ACTR3B: variants seen among roughly 807,000 people sequenced by gnomAD.
The protein encoded by ACTR3B is actin-related protein 3B.
A neutral mutation model predicts 59.0 loss-of-function variants in ACTR3B; 8 were observed. The observed-to-expected ratio is 0.14, with a 90% confidence interval of 0.08 to 0.24. The LOEUF (loss-of-function observed/expected upper bound fraction) is 0.24, where lower values mean the gene tolerates loss of function less well. ACTR3B is among the 10% of genes least tolerant of loss of function. The pLI is 1.00. For synonymous variants in ACTR3B, 148 were observed against 197.9 expected (o/e 0.75, Z 2.12); for missense variants, 245 against 552.3 (o/e 0.44, Z 5.58).
intron 4 of ACTR3B, among the ~76,000 whole-genome samples, chr7:152,810,251 C>T (rs1401723796): frequency 2.0e-5 from 3 of 151,892 alleles, no homozygotes; most frequent in Admixed American, 1.3e-4. Context: ...GGATTACAGG[C>T]GTGCACCACC....
chr7:152,799,023 G>A (rs1205843131), intron 2 of ACTR3B, among the ~76,000 whole-genome samples: 4 of 152,170 alleles, frequency 2.6e-5, no homozygotes, highest in Non-Finnish European at 5.9e-5. Flanking sequence ...TTCTGTTTCT[G>A]TGAAGGATGC....
chr7:152,822,812 G>C (rs1234782060), intron 7 of ACTR3B, among the ~76,000 whole-genome samples: 2 of 152,258 alleles, frequency 1.3e-5, no homozygotes, highest in African/African-American at 4.8e-5. Flanking sequence ...GCTGTGGCCA[G>C]CTCCACACCA....
At chr7:152,853,410 C>A in intron 10 of ACTR3B, 84 bp from the exon 11 acceptor site, 1 of 1,284,004 alleles carries the variant, frequency 7.8e-7, no homozygotes, top group Non-Finnish European at 1.1e-6. Context: ...GCCCTGGGTG[C>A]AGCTGTGGTC....
intron 6 of ACTR3B, among the ~76,000 whole-genome samples, chr7:152,820,057 G>T (rs1359194246): frequency 6.6e-6 from 1 of 152,136 alleles, no homozygotes; most frequent in Non-Finnish European, 1.5e-5. Context: ...AATCATTTTG[G>T]TTGCTTTTAG....
intron 4 of ACTR3B, among the ~76,000 whole-genome samples, chr7:152,809,619 G>A (rs2098263395): frequency 6.6e-6 from 1 of 151,206 alleles, no homozygotes; most frequent in South Asian, 2.1e-4. Context: ...TCAGCTCACC[G>A]CAACCTCCGC....
chr7:152,816,031 C>T (rs1244268494), intron 5 of ACTR3B, among the ~76,000 whole-genome samples: 4 of 151,926 alleles, frequency 2.6e-5, no homozygotes, highest in African/African-American at 7.3e-5. Context: ...ACTCTAGCTG[C>T]GACCTTCTGG....
rs557976356 is a variant in ACTR3B at position 152,818,172 on chromosome 7, G to A, written c.540+1584G>A. Among the ~76,000 whole-genome samples the A allele has an allele frequency of 4.7e-4, 71 of 152,282 alleles. 1 individual carries two copies. Among genetic ancestry groups the A allele is most frequent in the African/African-American group, 1.7e-3 (69 of 41,550 alleles). ...TGCTGAGATCCAAGATGAGGCCCCC[G>A]TAGGCCCCTGGCCTGCACCCCCTTT... is the stretch of plus-strand genomic sequence containing the variant. On this transcript the variant is annotated intron_variant, in intron 6 of 11. Transcript: ENST00000256001.
At chr7:152,834,356 G>T (rs1039903376) in intron 9 of ACTR3B, among the ~76,000 whole-genome samples, 1 of 152,168 alleles carries the variant, frequency 6.6e-6, no homozygotes, top group Admixed American at 6.5e-5. Context: ...GTTTCGCCAT[G>T]TTGGCCAGGC....
chr7:152,766,149 A>C (rs1304486636), intron 1 of ACTR3B, among the ~76,000 whole-genome samples: 2 of 152,206 alleles, frequency 1.3e-5, no homozygotes, highest in Non-Finnish European at 1.5e-5. Context: ...ACTACGGTGA[A>C]AATGTACAAA....
At chr7:152,845,968 A>C (rs1430017187) in intron 9 of ACTR3B, among the ~76,000 whole-genome samples, 1 of 152,266 alleles carries the variant, frequency 6.6e-6, no homozygotes, top group East Asian at 1.9e-4. Flanking sequence ...AATGCATTTA[A>C]AACATTCAAA....
chr7:152,815,424 T>C (rs1460902691), intron 5 of ACTR3B, among the ~76,000 whole-genome samples: 1 of 152,222 alleles, frequency 6.6e-6, no homozygotes, highest in East Asian at 1.9e-4. Flanking sequence ...TTATATTCCA[T>C]GGCCTAGGGA....
rs951041247 is a variant in ACTR3B at position 152,824,490 on chromosome 7, A to T, written c.859-540A>T. On this transcript the variant is annotated intron_variant, in intron 8 of 11. Transcript: ENST00000256001. The surrounding 1 kb of genome is among the most constrained non-coding windows in gnomAD (Gnocchi z 4.2). ...TACTTTAGCTTATTTAACTTATGGA[A>T]TTGAATCTATGGCTGTTTATTCAAT... 3.3e-5 allele frequency among the ~76,000 whole-genome samples: 5 copies of T among 152,204 alleles called. No individual in the cohort carries two copies. The highest frequency in any genetic ancestry group is 1.2e-4 in the African/African-American group (5 of 41,454).
chr7:152,780,228 G>C (rs961736845), intron 1 of ACTR3B, among the ~76,000 whole-genome samples: 1 of 151,572 alleles, frequency 6.6e-6, no homozygotes, highest in Non-Finnish European at 1.5e-5. Context: ...GCAGGCGCCT[G>C]TAATTCCAGC....
rs2098112235 is a variant in ACTR3B at position 152,766,912 on chromosome 7, G to A, written c.44+6986G>A. Among the ~76,000 whole-genome samples the A allele has an allele frequency of 4.6e-5, 7 of 151,960 alleles. No individual in the cohort carries two copies. The South Asian group carries it at 1.2e-3, about 27-fold the overall frequency. ...AGCGATTCTCCTGCTGCAGCCTCCC[G>A]AGTAGCTGGGACTACAGGTGCATGC... On this transcript the variant is annotated intron_variant, in intron 1 of 11. Transcript: ENST00000256001.
intron 9 of ACTR3B, among the ~76,000 whole-genome samples, chr7:152,849,768 A>G (rs1798646465): frequency 6.6e-6 from 1 of 152,274 alleles, no homozygotes. Flanking sequence ...AGCATGTTAC[A>G]TGATTTATCT....
intron 9 of ACTR3B, among the ~76,000 whole-genome samples, chr7:152,842,798 G>A (rs1054333834): frequency 2.6e-5 from 4 of 152,202 alleles, no homozygotes; most frequent in Non-Finnish European, 4.4e-5. Context: ...GAAGTACCCA[G>A]GAGTGCAGTT....
intron 1 of ACTR3B, among the ~76,000 whole-genome samples, chr7:152,766,163 A>G (rs2098109573): frequency 6.6e-6 from 1 of 152,204 alleles, no homozygotes; most frequent in Non-Finnish European, 1.5e-5. Context: ...GTACAAAGCA[A>G]AAACAGCCAA....
At chr7:152,853,624 G>A (rs374699594) in intron 11 of ACTR3B, 47 bp downstream of exon 11, 10 of 1,542,814 alleles carry the variant, frequency 6.5e-6, no homozygotes, top group African/African-American at 4.1e-5. Flanking sequence ...CTGTGCTCTC[G>A]GTTGAGTTTG....
At chr7:152,797,325 C>A (rs1363766787) in intron 2 of ACTR3B, among the ~76,000 whole-genome samples, 1 of 152,154 alleles carries the variant, frequency 6.6e-6, no homozygotes, top group Non-Finnish European at 1.5e-5. Flanking sequence ...AAGCTATCCT[C>A]CTGCCTTAGC....
Sources: gnomAD v4.1 joint callset for allele counts (sites outside exome capture counted in the v4.1 genomes callset) on GRCh38, gnomAD v4.1.1 for gene constraint, Gnocchi (gnomAD v3.1) non-coding constraint, MANE v1.5 for transcripts, NCBI Gene and HGNC (gene_info 2026-07-23, HGNC 2026-07-21) for gene names.